Variants in CTSK observed in about 807,000 individuals in gnomAD.
The protein encoded by CTSK is cathepsin O.
A neutral mutation model predicts 40.5 loss-of-function variants in CTSK; 26 were observed. The ratio of observed to expected loss-of-function variants is 0.64; its 90% CI spans 0.47 to 0.89. CTSK has a LOEUF of 0.89. Ranked by LOEUF, CTSK falls within the 40% of genes least tolerant of loss-of-function variation. The pLI is 0.00. For synonymous variants in CTSK, 132 were observed against 143.2 expected (o/e 0.92, Z 0.56); for missense variants, 292 against 400.1 (o/e 0.73, Z 2.30).
chr1:150,804,337 C>T, intron 4 of CTSK, 98 bp from the exon 5 acceptor site: 1 of 964,542 alleles, frequency 1.0e-6, no homozygotes, highest in Non-Finnish European at 1.6e-6. Flanking sequence ...CTAAAAATTT[C>T]AGCACAAATG....
intron 7 of CTSK, among the ~76,000 whole-genome samples, chr1:150,797,625 T>G (rs1256165727): frequency 6.6e-6 from 1 of 152,088 alleles, no homozygotes; most frequent in Non-Finnish European, 1.5e-5. Context: ...GATTGTCTGT[T>G]TATCTTCCTG....
rs1653936935 is a variant in CTSK, at chr1:150,799,293, C to CG, written c.785-21dup. The stretch of plus-strand genomic sequence containing the variant: ...ACACACCTAGAATACAAACTACCAG[C>CG]GTGAGGCTCTATGCAATCCAAGGGT... On this transcript the variant is annotated intron_variant, in intron 6 of 7. Coordinates refer to ENST00000271651, the MANE Select transcript of CTSK (RefSeq NM_000396.4). 7 of 1,553,696 alleles carry CG rather than the reference C, an allele frequency of 4.5e-6. No individual in the cohort carries two copies. The highest frequency in any genetic ancestry group is 5.3e-6 in the Non-Finnish European group (6 of 1,124,758).
intron 1 of CTSK, among the ~76,000 whole-genome samples, 199 bp from the exon 2 acceptor site, chr1:150,807,005 T>TTCTCTCTC (rs71659432): frequency 4.2e-4 from 59 of 139,056 alleles, no homozygotes; most frequent in African/African-American, 1.4e-3. Flanking sequence ...ATTTCTCTCT[T>TTCTCTCTC]TCTCTCTCTC....
In CTSK at chr1:150,796,767, TG is replaced by T; in HGVS notation, c.*31del. 6.9e-7 allele frequency: 1 copy of T among 1,457,452 alleles called. No homozygotes were observed. The highest frequency in any genetic ancestry group is 9.6e-7 in the Non-Finnish European group (1 of 1,037,046). 90.3% of individuals were successfully genotyped at this position (1,457,452 alleles called of 1,614,324 possible). A position where few individuals can be genotyped will look rare whatever the true frequency, so the allele number is the denominator to read the frequency against. On this transcript the variant is annotated 3_prime_UTR_variant, in exon 8 of 8. Coordinates refer to ENST00000271651, the MANE Select transcript of CTSK (RefSeq NM_000396.4). ...TTACACTGCACCATCGTGGAAGAAA[TG>T]GAAGAGCAGGATGGATTTGGCTGGC...
Position 150,796,616 on chromosome 1 carries a change from G to T in CTSK, c.*183C>A. 1.5e-6 allele frequency: 1 copy of T among 687,206 alleles called. No individual in the cohort carries two copies. Among genetic ancestry groups the T allele is most frequent in the Non-Finnish European group, 2.6e-6 (1 of 378,406 alleles). 42.6% of individuals were successfully genotyped at this position (687,206 alleles called of 1,614,324 possible). On this transcript the variant is annotated 3_prime_UTR_variant, in exon 8 of 8. Coordinates refer to ENST00000271651, the MANE Select transcript of CTSK (RefSeq NM_000396.4). ...GATGGCCACAGTGAAAAAGGTCATG[G>T]GTGGAGAGAAGCAAAGTAGGAAGGA...
rs774969011 is a variant in CTSK, at chr1:150,796,740, C to T, written c.*59G>A. 10 of 1,193,464 alleles carry T rather than the reference C, an allele frequency of 8.4e-6. No individual in the cohort carries two copies. The highest frequency in any genetic ancestry group is 1.5e-5 in the African/African-American group (1 of 66,840). 73.9% of individuals were successfully genotyped at this position (1,193,464 alleles called of 1,614,324 possible). A position where few individuals can be genotyped will look rare whatever the true frequency, so the allele number is the denominator to read the frequency against. ...ACACCAACTCCCTTCCAAAGTGCAT[C>T]GTTACACTGCACCATCGTGGAAGAA... On this transcript the variant is annotated 3_prime_UTR_variant, in exon 8 of 8. Coordinates refer to ENST00000271651, the MANE Select transcript of CTSK (RefSeq NM_000396.4).
intron 5 of CTSK, among the ~76,000 whole-genome samples, chr1:150,802,866 C>T (rs1366946167): frequency 2.0e-5 from 3 of 152,100 alleles, no homozygotes; most frequent in African/African-American, 7.2e-5. Flanking sequence ...TCACCACACT[C>T]CAGCCTGGGC....
chr1:150,799,296 G>C, intron 6 of CTSK, 23 bp from the exon 7 acceptor site: 1 of 1,535,584 alleles, frequency 6.5e-7, no homozygotes, highest in Non-Finnish European at 9.0e-7. Flanking sequence ...CTACCAGCGT[G>C]AGGCTCTATG....
chr1:150,799,367 C>T lies in CTSK; in HGVS notation c.785-94G>A, dbSNP rs776902138. On this transcript the variant is annotated intron_variant, in intron 6 of 7. Transcript: ENST00000271651. ...AGGAGACTGTTTGAAGAATTCCATC[C>T]GTGTCAGGAGGGTTTACCACAGAGA... 2.2e-4 allele frequency: 276 copies of T among 1,247,518 alleles called. 1 individual carries two copies. Among genetic ancestry groups the T allele is most frequent in the Non-Finnish European group, 3.0e-4 (255 of 848,140 alleles). 77.3% of individuals were successfully genotyped at this position (1,247,518 alleles called of 1,614,324 possible).
rs1653934092 is a variant in CTSK at position 150,799,219 on chromosome 1, G to A, written c.839C>T (p.Ala280Val). ...TCCCTTCTGGATTCCATATCCCACT[G>A]CCAAAACTGCATGGTTCAGATTATC... ...NSDNLNHAVLAVGYGIQKGNK... is the reference protein window; with the variant it reads ...NSDNLNHAVLVVGYGIQKGNK... The change falls in exon 7 of 8, where the codon GCA becomes GTA. Residue 280 changes from alanine to valine, a missense_variant. Transcript: ENST00000271651. 3 of 1,613,094 alleles carry A rather than the reference G, an allele frequency of 1.9e-6. No individual in the cohort carries two copies. In the East Asian group the frequency reaches 6.7e-5, roughly 36 times the overall value.
intron 4 of CTSK, among the ~76,000 whole-genome samples, chr1:150,805,233 G>T (rs866946171): frequency 6.9e-6 from 1 of 145,132 alleles, no homozygotes; most frequent in African/African-American, 2.5e-5. Flanking sequence ...AAATTTGGGG[G>T]GGGGGAAAGG....
intron 5 of CTSK, 37 bp downstream of exon 5, chr1:150,803,984 G>T: frequency 6.5e-7 from 1 of 1,528,794 alleles, no homozygotes; most frequent in Non-Finnish European, 9.1e-7. Flanking sequence ...GGAAGGAGGA[G>T]CCAACAGAGC....
At chr1:150,802,974 A>G (rs1419284202) in intron 5 of CTSK, among the ~76,000 whole-genome samples, 1 of 152,218 alleles carries the variant, frequency 6.6e-6, no homozygotes, top group South Asian at 2.1e-4. Flanking sequence ...AAATGGCCAG[A>G]TAAACATACT....
Position 150,796,322 on chromosome 1 carries a change from C to A in CTSK, c.*477G>T. On this transcript the variant is annotated 3_prime_UTR_variant, in exon 8 of 8. Transcript: ENST00000271651. ...TTCTTTTTATCATGTAAACTTGTAC[C>A]AAAGACTTATGAATAGATTTATGAA... 1 of 181,736 alleles carries A rather than the reference C, an allele frequency of 5.5e-6. No homozygotes were observed. Among genetic ancestry groups the A allele is most frequent in the Non-Finnish European group, 1.2e-5 (1 of 85,504 alleles). 11.3% of individuals were successfully genotyped at this position (181,736 alleles called of 1,614,324 possible).
rs113091450 is a variant in CTSK, at chr1:150,797,653, T to C, written c.891-755A>G. Reference sequence around the variant, plus strand: ...TCTTCCTGAATTGTTTTCAGTCCTCTTTCCCCAACCAGCAACTTCTCTAAT... The same window carrying C: ...TCTTCCTGAATTGTTTTCAGTCCTCCTTCCCCAACCAGCAACTTCTCTAAT... On this transcript the variant is annotated intron_variant, in intron 7 of 7. Coordinates refer to ENST00000271651, the MANE Select transcript of CTSK (RefSeq NM_000396.4). Among the ~76,000 whole-genome samples, 134 of 152,294 alleles carry C rather than the reference T, an allele frequency of 8.8e-4. 1 individual carries two copies. The highest frequency in any genetic ancestry group is 2.5e-3 in the Admixed American group (39 of 15,300).
intron 7 of CTSK, among the ~76,000 whole-genome samples, chr1:150,797,494 A>C (rs1373506299): frequency 6.6e-6 from 1 of 152,156 alleles, no homozygotes; most frequent in African/African-American, 2.4e-5. Flanking sequence ...GGTGATCTTG[A>C]TTTGGGAGTA....
In CTSK at chr1:150,804,253, A is replaced by G. The variant is rs766796145; in HGVS notation, c.400-14T>C. The G allele has an allele frequency of 4.9e-5, 79 of 1,597,010 alleles. No individual in the cohort carries two copies. The highest frequency in any genetic ancestry group is 6.8e-5 in the Non-Finnish European group (79 of 1,164,498). On this transcript the variant is annotated splice_polypyrimidine_tract_variant and intron_variant, in intron 4 of 7. Coordinates refer to ENST00000271651, the MANE Select transcript of CTSK (RefSeq NM_000396.4). ...ACCACACTGACCCTGAAAGGCATAC[A>G]GAGAAACTATCAATCTTTGCTGTTT...
At position 150,805,961 on chromosome 1, in the gene CTSK, G is replaced by T. The variant is rs1284006847; in HGVS notation, c.299C>A (p.Ser100Tyr). The change falls in exon 4 of 8, where the codon TCC (serine) becomes TAC (tyrosine). Residue 100 changes from serine to tyrosine, a missense_variant. Coordinates refer to ENST00000271651, the MANE Select transcript of CTSK (RefSeq NM_000396.4). ...GATATAAAGGGTGTCATTACTGCGG[G>T]AATGAGACAGGGGTACTTTGAGTCC... ...MTGLKVPLSHSRSNDTLYIPE... is the reference protein window; with the variant it reads ...MTGLKVPLSHYRSNDTLYIPE... 1.2e-6 allele frequency: 2 copies of T among 1,613,982 alleles called. No homozygotes were observed. The highest frequency in any genetic ancestry group is 1.7e-6 in the Non-Finnish European group (2 of 1,179,986).
At chr1:150,799,944 C>T (rs895041341) in intron 5 of CTSK, among the ~76,000 whole-genome samples, 1 of 152,056 alleles carries the variant, frequency 6.6e-6, no homozygotes, top group African/African-American at 2.4e-5. Context: ...TGCCTGTAAT[C>T]CCAGCACTTT....
Sources: gnomAD v4.1 joint callset for allele counts (sites outside exome capture counted in the v4.1 genomes callset) on GRCh38, gnomAD v4.1.1 for gene constraint, MANE v1.5 for transcripts, NCBI Gene and HGNC (gene_info 2026-07-23, HGNC 2026-07-21) for gene names.